The following LDLRAD4 variants were observed in gnomAD, a reference collection of about 807,000 sequenced individuals.
LDLRAD4 encodes low density lipoprotein receptor class A domain containing 4.
A neutral mutation model predicts 17.0 loss-of-function variants in LDLRAD4; 5 were observed. That is an observed-to-expected ratio of 0.29 (90% CI 0.15 to 0.62). The LOEUF (loss-of-function observed/expected upper bound fraction) is 0.62. LDLRAD4 is among the 20% of genes least tolerant of loss of function. The pLI is 0.84. For missense variants in LDLRAD4, 340 were observed against 424.7 expected, an observed-to-expected ratio of 0.80 and a Z score of 1.75; for synonymous variants, 168 against 171.8, an observed-to-expected ratio of 0.98 and a Z score of 0.17.
chr18:13,439,104 G>A (rs956745336), intron 3 of LDLRAD4, among the ~76,000 whole-genome samples: 7 of 152,274 alleles, frequency 4.6e-5, no homozygotes, highest in African/African-American at 1.7e-4. Flanking sequence ...GAAGAGCGTT[G>A]GCCGGGCCGA....
intron 3 of LDLRAD4, among the ~76,000 whole-genome samples, chr18:13,460,487 GT>G (rs2092376438): frequency 6.6e-6 from 1 of 152,192 alleles, no homozygotes; most frequent in African/African-American, 2.4e-5. Flanking sequence ...CCATGCACCC[GT>G]CCTTAACTGA....
chr18:13,560,912 T>TG (rs1297140282), intron 3 of LDLRAD4, among the ~76,000 whole-genome samples: 2 of 152,188 alleles, frequency 1.3e-5, no homozygotes, highest in Non-Finnish European at 2.9e-5. Flanking sequence ...CCTAACACTG[T>TG]GGCTCTCTTG....
intron 1 of LDLRAD4, among the ~76,000 whole-genome samples, chr18:13,385,112 C>T (rs918948259): frequency 1.3e-5 from 2 of 152,318 alleles, no homozygotes; most frequent in African/African-American, 2.4e-5. Flanking sequence ...ACAGTGTACA[C>T]GGGTTCCCTT....
chr18:13,436,848 A>G (rs560014219), intron 2 of LDLRAD4, among the ~76,000 whole-genome samples: 1 of 152,372 alleles, frequency 6.6e-6, no homozygotes, highest in East Asian at 1.9e-4. Flanking sequence ...CTGTGTTCAC[A>G]TGTTATTCTA....
In LDLRAD4 at chr18:13,597,097, G is replaced by T. The variant is rs1040332101; in HGVS notation, c.182-24020G>T. On this transcript the variant is annotated intron_variant, in intron 3 of 5. Coordinates refer to ENST00000359446, the Ensembl canonical transcript of LDLRAD4. ...GAAATTCCTTTTGTATTTCTTAAGT[G>T]AGTCTACTAGCAACAGTCTTTCAGT... 8.5e-5 allele frequency among the ~76,000 whole-genome samples: 13 copies of T among 152,160 alleles called. No individual in the cohort carries two copies. In the South Asian group the frequency reaches 1.0e-3, roughly 12 times the overall value.
chr18:13,414,810 G>C (rs1195435188), intron 2 of LDLRAD4, among the ~76,000 whole-genome samples: 1 of 152,200 alleles, frequency 6.6e-6, no homozygotes, highest in African/African-American at 2.4e-5. Flanking sequence ...TTATTTGCCA[G>C]GCAGTAAACT....
intron 3 of LDLRAD4, among the ~76,000 whole-genome samples, chr18:13,568,975 C>T (rs1332193545): frequency 6.6e-6 from 1 of 152,086 alleles, no homozygotes; most frequent in East Asian, 1.9e-4. Context: ...TCACCTGCAC[C>T]CTCTACCCAA....
chr18:13,373,267 C>T (rs1024307721), intron 1 of LDLRAD4, among the ~76,000 whole-genome samples: 14 of 151,978 alleles, frequency 9.2e-5, no homozygotes, highest in African/African-American at 3.4e-4. Context: ...CTTTGAGAAC[C>T]TAAAAAGCAA....
chr18:13,319,392 A>ATT (rs2081103144), intron 1 of LDLRAD4, among the ~76,000 whole-genome samples: 1 of 152,004 alleles, frequency 6.6e-6, no homozygotes, highest in African/African-American at 2.4e-5. Context: ...GTTTGACAGC[A>ATT]TTTTGTTTAC....
intron 1 of LDLRAD4, among the ~76,000 whole-genome samples, chr18:13,296,304 A>G (rs2046273608): frequency 6.6e-6 from 1 of 152,218 alleles, no homozygotes; most frequent in Admixed American, 6.5e-5. Flanking sequence ...AGGTATATGA[A>G]TCTGCTAGGG....
chr18:13,560,040 T>C (rs2094524662), intron 3 of LDLRAD4, among the ~76,000 whole-genome samples: 1 of 152,232 alleles, frequency 6.6e-6, no homozygotes, highest in African/African-American at 2.4e-5. Flanking sequence ...TTTTGAGTAT[T>C]ATATGGGTAC....
intron 3 of LDLRAD4, among the ~76,000 whole-genome samples, chr18:13,538,783 C>T (rs1441908673): frequency 2.6e-5 from 4 of 152,182 alleles, no homozygotes; most frequent in African/African-American, 9.7e-5. Flanking sequence ...ACCTTGGCCT[C>T]CCAAAGTGCT....
intron 3 of LDLRAD4, among the ~76,000 whole-genome samples, chr18:13,470,447 G>T (rs2092736526): frequency 6.6e-6 from 1 of 151,058 alleles, no homozygotes; most frequent in African/African-American, 2.4e-5. Flanking sequence ...CACCAACCCA[G>T]CACTTGGCCA....
chr18:13,649,798 C>T (rs1285120932), exon 6 of LDLRAD4: 2 of 379,390 alleles, frequency 5.3e-6, no homozygotes, highest in African/African-American at 4.1e-5. Flanking sequence ...GTGTTGCTTG[C>T]TTAAGTGATT....
rs1428446681 is a variant in LDLRAD4, at chr18:13,564,391, G to T, written c.182-56726G>T. On this transcript the variant is annotated intron_variant, in intron 3 of 5. Coordinates refer to ENST00000359446, the Ensembl canonical transcript of LDLRAD4. ...CTCTGGCAATTTTCCTTGCCAGCGCGTATACTGAAGCCATCCCCAGCGCTC... is the reference window on the plus strand; with the variant it reads ...CTCTGGCAATTTTCCTTGCCAGCGCTTATACTGAAGCCATCCCCAGCGCTC... 5.6e-5 allele frequency among the ~76,000 whole-genome samples: 4 copies of T among 71,888 alleles called. No homozygotes were observed. In the East Asian group the frequency reaches 1.6e-3, roughly 29 times the overall value. 47.2% of individuals were successfully genotyped at this position (71,888 alleles called of 152,430 possible). A position where few individuals can be genotyped will look rare whatever the true frequency, so the allele number is the denominator to read the frequency against.
At chr18:13,389,764 G>T (rs1342869174) in intron 2 of LDLRAD4, among the ~76,000 whole-genome samples, 1 of 151,758 alleles carries the variant, frequency 6.6e-6, no homozygotes, top group Non-Finnish European at 1.5e-5. Context: ...GGGGTGCTGG[G>T]GATACCTCTG....
rs1463027778 is a variant in LDLRAD4 at position 13,621,071 on chromosome 18, G to C, written c.182-46G>C. On this transcript the variant is annotated intron_variant, in intron 3 of 5. Coordinates refer to ENST00000359446, the Ensembl canonical transcript of LDLRAD4. This position sits in a 1 kb window ranked among gnomAD's most constrained non-coding sequence, Gnocchi z 5.5. Reference sequence around the variant, plus strand: ...GTGACAGTGCCTGGAGAATGGGTGGGGACTGGAGGGGCCAGGTGGCTAACC... The same window carrying C: ...GTGACAGTGCCTGGAGAATGGGTGGCGACTGGAGGGGCCAGGTGGCTAACC... 2 of 1,613,686 alleles carry C rather than the reference G, an allele frequency of 1.2e-6. No individual in the cohort carries two copies. Among genetic ancestry groups the C allele is most frequent in the Non-Finnish European group, 1.7e-6 (2 of 1,179,776 alleles).
intron 3 of LDLRAD4, among the ~76,000 whole-genome samples, chr18:13,609,017 T>G (rs2095251259): frequency 1.3e-5 from 1 of 78,576 alleles, no homozygotes; most frequent in Admixed American, 1.1e-4. Flanking sequence ...TGAGATGCGT[T>G]GGTGACTGCA....
intron 2 of LDLRAD4, among the ~76,000 whole-genome samples, chr18:13,391,573 G>T (rs1449004063): frequency 2.0e-5 from 3 of 152,184 alleles, no homozygotes; most frequent in African/African-American, 4.8e-5. Flanking sequence ...ATGCAATTTA[G>T]AAATGATTTT....
Sources: gnomAD v4.1 joint callset for allele counts (sites outside exome capture counted in the v4.1 genomes callset) on GRCh38, gnomAD v4.1.1 for gene constraint, Gnocchi (gnomAD v3.1) non-coding constraint, MANE v1.5 for transcripts, NCBI Gene and HGNC (gene_info 2026-07-23, HGNC 2026-07-21) for gene names.